SLC38A7: variants seen among roughly 807,000 people sequenced by gnomAD.
SLC38A7 encodes the protein sodium-coupled neutral amino acid transporter 7.
SLC38A7 carries 29 observed loss-of-function variants against 50.1 expected under a neutral mutation model. That is an observed-to-expected ratio of 0.58 (90% CI 0.43 to 0.79). The LOEUF is 0.79. SLC38A7 is among the 30% of genes least tolerant of loss of function. The pLI is 0.00. For synonymous variants in SLC38A7, 244 were observed against 245.9 expected (o/e 0.99, Z 0.07); for missense variants, 483 against 610.6 (o/e 0.79, Z 2.20).
At chr16:58,676,806 C>T (rs2044276904) in intron 6 of SLC38A7, among the ~76,000 whole-genome samples, 2 of 152,046 alleles carry the variant, frequency 1.3e-5, no homozygotes, top group Admixed American at 6.6e-5. Flanking sequence ...CGCCTGCCAC[C>T]ACACCCGGCT....
At chr16:58,673,125 C>T (rs1486120945) in intron 8 of SLC38A7, among the ~76,000 whole-genome samples, 14 of 120,972 alleles carry the variant, frequency 1.2e-4, no homozygotes, top group South Asian at 2.7e-4. Context: ...GATGGAGTCG[C>T]GCTCTGTCAT....
chr16:58,684,494 C>T (rs1286523763), intron 1 of SLC38A7: 1 of 152,444 alleles, frequency 6.6e-6, no homozygotes, highest in Non-Finnish European at 1.5e-5. Context: ...GGGAGGAGCT[C>T]CGGGACCCGA....
At chr16:58,683,523 C>T (rs189899674) in intron 2 of SLC38A7, 6 of 152,394 alleles carry the variant, frequency 3.9e-5, no homozygotes, top group African/African-American at 1.4e-4. Flanking sequence ...CATCCTCTTA[C>T]ACATCCTGTC....
intron 11 of SLC38A7, 66 bp from the exon 12 acceptor site, chr16:58,667,553 A>G: frequency 8.2e-7 from 1 of 1,216,892 alleles, no homozygotes; most frequent in Non-Finnish European, 1.2e-6. Context: ...ACTTCAATAT[A>G]TATAACTGTT....
At chr16:58,668,638 G>A (rs2044092652) in intron 11 of SLC38A7, among the ~76,000 whole-genome samples, 1 of 147,174 alleles carries the variant, frequency 6.8e-6, no homozygotes, top group Non-Finnish European at 1.5e-5. Context: ...CTTGAACCCG[G>A]GAGGTGGAGG....
rs576239811 is a variant in SLC38A7 at position 58,677,432 on chromosome 16, G to A, written c.612-8C>T. On this transcript the variant is annotated splice_region_variant and splice_polypyrimidine_tract_variant and intron_variant, in intron 5 of 11. Transcript: ENST00000219320. ...CCCACGACGCTCAGGAAGCTGCCGG[G>A]AAGGAGAGACTAAGTGTCCTCATCC... The A allele has an allele frequency of 9.9e-6, 16 of 1,613,714 alleles. No individual in the cohort carries two copies. In the African/African-American group the frequency reaches 1.2e-4, roughly 12 times the overall value.
intron 7 of SLC38A7, 114 bp from the exon 8 acceptor site, chr16:58,676,168 T>C: frequency 1.9e-6 from 3 of 1,548,324 alleles, no homozygotes; most frequent in South Asian, 2.2e-5. Context: ...CTGAGGCCCC[T>C]GTTCCATCCT....
chr16:58,666,007 C>G lies in SLC38A7; in HGVS notation c.*1378G>C, dbSNP rs1463308076. ...AAAATCCAGACTGGAAGGGAAACTT[C>G]CAGGCCAGTGTGGCAGGCTCAAATG... is the stretch of plus-strand genomic sequence containing the variant. On this transcript the variant is annotated 3_prime_UTR_variant, in exon 12 of 12. Coordinates refer to ENST00000219320, the MANE Select transcript of SLC38A7 (RefSeq NM_018231.3). The G allele has an allele frequency of 6.6e-6, 1 of 152,544 alleles. No homozygotes were observed. The highest frequency in any genetic ancestry group is 1.5e-5 in the Non-Finnish European group (1 of 68,290). 9.4% of individuals were successfully genotyped at this position (152,544 alleles called of 1,614,324 possible).
chr16:58,670,074 C>T, intron 11 of SLC38A7, 39 bp downstream of exon 11: 5 of 1,604,372 alleles, frequency 3.1e-6, no homozygotes, highest in Non-Finnish European at 3.4e-6. Flanking sequence ...TCCAATCCAG[C>T]ACCTCCCTGA....
rs1479837131 is a variant in SLC38A7 at position 58,672,262 on chromosome 16, G to C, written c.884-19C>G. Reference sequence around the variant, plus strand: ...CAGATGCCTGTGGGCAGGGACAACTGGGTCAGGGCAACCCTGGGAGGGTAG... The same window carrying C: ...CAGATGCCTGTGGGCAGGGACAACTCGGTCAGGGCAACCCTGGGAGGGTAG... On this transcript the variant is annotated intron_variant, in intron 8 of 11. Transcript: ENST00000219320. The C allele has an allele frequency of 1.3e-6, 2 of 1,571,852 alleles. No individual in the cohort carries two copies. The highest frequency in any genetic ancestry group is 1.7e-6 in the Non-Finnish European group (2 of 1,158,464).
intron 9 of SLC38A7, 68 bp downstream of exon 9, chr16:58,672,028 G>A: frequency 8.4e-7 from 1 of 1,194,084 alleles, no homozygotes; most frequent in Non-Finnish European, 1.1e-6. Context: ...TCCACACAAG[G>A]CCAAAGGACC....
chr16:58,677,714 C>T (rs2044299632), intron 5 of SLC38A7: 1 of 410,754 alleles, frequency 2.4e-6, no homozygotes, highest in East Asian at 4.8e-5. Context: ...CTCCAAAGCA[C>T]ACCTGGGACT....
At chr16:58,677,916 G>A (rs1276621954) in intron 5 of SLC38A7, among the ~76,000 whole-genome samples, 1 of 151,872 alleles carries the variant, frequency 6.6e-6, no homozygotes, top group Admixed American at 6.6e-5. Context: ...GAATCCCACA[G>A]CCTTTCAGAC....
intron 9 of SLC38A7, 179 bp from the exon 10 acceptor site, chr16:58,671,423 G>A: frequency 1.6e-6 from 1 of 613,748 alleles, no homozygotes; most frequent in Non-Finnish European, 2.9e-6. Context: ...ACTAGAGACG[G>A]TGAATGTCGA....
Position 58,671,057 on chromosome 16 carries a change from A to G in SLC38A7, c.1219T>C (p.Phe407Leu), listed in dbSNP as rs779455409. 1 of 1,603,226 alleles carries G rather than the reference A, an allele frequency of 6.2e-7. No homozygotes were observed. Among genetic ancestry groups the G allele is most frequent in the Admixed American group, 1.7e-5 (1 of 58,212 alleles). The stretch of plus-strand genomic sequence containing the variant: ...CAGGGGTCCGCACCTGGGAAGACGA[A>G]GATGAAGCAGGCGGCCAGGCCTCCA... Reference protein sequence around the residue: ...VIGGLAACFIFVFPGLCLIQA... With the variant: ...VIGGLAACFILVFPGLCLIQA... The change falls in exon 10 of 12, where the codon TTC (phenylalanine) becomes CTC (leucine). Residue 407 changes from phenylalanine (F) to leucine (L), a missense_variant. Phe to Leu is a conservative substitution (Grantham distance 22). Coordinates refer to ENST00000219320, the MANE Select transcript of SLC38A7 (RefSeq NM_018231.3).
chr16:58,672,001 CCTT>C, intron 9 of SLC38A7, 92 bp downstream of exon 9: 2 of 1,366,366 alleles, frequency 1.5e-6, no homozygotes, highest in Non-Finnish European at 1.9e-6. Context: ...TTCAGTTTCT[CCTT>C]CTACAGGATG....
intron 2 of SLC38A7, 64 bp from the exon 3 acceptor site, chr16:58,680,305 T>G (rs749254042): frequency 1.6e-5 from 10 of 643,006 alleles, no homozygotes; most frequent in Non-Finnish European, 2.3e-5. Context: ...GACAAAAAGG[T>G]GTAATAACTT....
At chr16:58,668,789 T>C (rs1012307626) in intron 11 of SLC38A7, among the ~76,000 whole-genome samples, 2 of 151,138 alleles carry the variant, frequency 1.3e-5, no homozygotes, top group African/African-American at 4.8e-5. Flanking sequence ...CTTTTTCTTT[T>C]TTTGAGACAG....
At chr16:58,669,983 A>C (rs372843887) in intron 11 of SLC38A7, 130 bp downstream of exon 11, 81 of 840,896 alleles carry the variant, frequency 9.6e-5, no homozygotes, top group Middle Eastern at 9.3e-4. Flanking sequence ...TCAAAAAAAA[A>C]AAAACAAAAC....
Sources: gnomAD v4.1 joint callset for allele counts (sites outside exome capture counted in the v4.1 genomes callset) on GRCh38, gnomAD v4.1.1 for gene constraint, MANE v1.5 for transcripts, NCBI Gene and HGNC (gene_info 2026-07-23, HGNC 2026-07-21) for gene names.